NPRL3: variants seen among roughly 807,000 people sequenced by gnomAD.
The protein encoded by NPRL3 is GATOR1 complex protein NPRL3.
A neutral mutation model predicts 57.2 loss-of-function variants in NPRL3; 23 were observed. The observed-to-expected ratio is 0.40, with a 90% CI of 0.29 to 0.57. The LOEUF is 0.57. Among genes scored for constraint, NPRL3 ranks in the 20% least tolerant of loss-of-function variants. The pLI, the probability that NPRL3 is intolerant of heterozygous loss-of-function variation, is 0.42. For synonymous variants in NPRL3, 333 were observed against 321.1 expected (o/e 1.04, Z -0.39); for missense variants, 691 against 767.1 (o/e 0.90, Z 1.17).
chr16:116,821 A>G (rs1339474900), intron 5 of NPRL3, among the ~76,000 whole-genome samples: 1 of 144,726 alleles, frequency 6.9e-6, no homozygotes. Context: ...CTAAAAATAC[A>G]AAAATTAGCT....
rs763058746 is a variant in NPRL3, at chr16:106,629, TAAAAAAAAAAAAAA to T, written c.629+3882_629+3895del. Among the ~76,000 whole-genome samples, 28 of 60,100 alleles carry T rather than the reference TAAAAAAAAAAAAAA, an allele frequency of 4.7e-4. No individual in the cohort carries two copies. The East Asian group carries it at 0.012, about 25-fold the overall frequency. 39.4% of individuals were successfully genotyped at this position (60,100 alleles called of 152,430 possible). The stretch of plus-strand genomic sequence containing the variant: ...AATAGAGTGAGACCCTGCCTTAAAT[TAAAAAAAAAAAAAA>T]AAAAAAAAAAAAAAAGAACCAGGAA... On this transcript the variant is annotated intron_variant, in intron 7 of 13. Transcript: ENST00000611875.
At chr16:105,791 T>C (rs1302182686) in intron 7 of NPRL3, among the ~76,000 whole-genome samples, 2 of 152,162 alleles carry the variant, frequency 1.3e-5, no homozygotes, top group South Asian at 4.1e-4. Flanking sequence ...TGAAGAGACA[T>C]CCCTGCCCTC....
intron 9 of NPRL3, among the ~76,000 whole-genome samples, chr16:97,410 ATTTTTTTT>A (rs34410203): frequency 2.6e-5 from 3 of 115,070 alleles, no homozygotes; most frequent in South Asian, 5.9e-4. Context: ...ACACCCAGCT[ATTTTTTTT>A]TTTTTTTTTT....
chr16:130,185 G>C (rs533589923), intron 3 of NPRL3, among the ~76,000 whole-genome samples: 1 of 152,272 alleles, frequency 6.6e-6, no homozygotes, highest in South Asian at 2.1e-4. Flanking sequence ...ACATGCTCAA[G>C]GAATTAGATC....
At chr16:115,766 G>A (rs1900004900) in intron 5 of NPRL3, among the ~76,000 whole-genome samples, 2 of 152,184 alleles carry the variant, frequency 1.3e-5, no homozygotes, top group African/African-American at 4.8e-5. Context: ...TATTACAGGC[G>A]TAAGCATTTG....
At chr16:100,970 C>CAAAAAAAA (rs59640237) in intron 7 of NPRL3, among the ~76,000 whole-genome samples, 4,646 of 35,976 alleles carry the variant, frequency 0.13, 1,070 homozygotes, top group South Asian at 0.29. Context: ...GACTCTGTCT[C>CAAAAAAAA]AAAAAAAAAA....
chr16:87,101 G>A (rs1036045232), intron 13 of NPRL3, among the ~76,000 whole-genome samples: 61 of 152,240 alleles, frequency 4.0e-4, no homozygotes, highest in Non-Finnish European at 7.3e-4. Flanking sequence ...GGTTCAGGAC[G>A]GCAGACGGCT....
intron 9 of NPRL3, among the ~76,000 whole-genome samples, 189 bp downstream of exon 9, chr16:97,956 C>G (rs1026638607): frequency 6.6e-5 from 10 of 152,210 alleles, no homozygotes. Context: ...ACAAAGCCAG[C>G]CCTGAACCCA....
chr16:90,618 C>T (rs1293534995), intron 11 of NPRL3: 1 of 152,390 alleles, frequency 6.6e-6, no homozygotes, highest in African/African-American at 2.4e-5. Context: ...ACTGCCCAGA[C>T]TCAGGCGTTG....
At chr16:103,296 A>ATTTTTTTTTTTTTTTTTTTTTTTT (rs533871530) in intron 7 of NPRL3, among the ~76,000 whole-genome samples, 6 of 42,124 alleles carry the variant, frequency 1.4e-4, no homozygotes, top group African/African-American at 3.1e-4. Flanking sequence ...GCCTGGGGTG[A>ATTTTTTTTTTTTTTTTTTTTTTTT]TTTTTTTTTT....
At chr16:93,852 C>A (rs1046153989) in intron 9 of NPRL3, among the ~76,000 whole-genome samples, 4 of 152,202 alleles carry the variant, frequency 2.6e-5, no homozygotes, top group African/African-American at 9.6e-5. Context: ...TGAGCCACCG[C>A]ACCCGGCCAC....
intron 3 of NPRL3, among the ~76,000 whole-genome samples, chr16:128,415 G>C (rs1370479290): frequency 6.6e-6 from 1 of 152,308 alleles, no homozygotes; most frequent in East Asian, 1.9e-4. Flanking sequence ...TGTTAATACT[G>C]TTTCAGTCTG....
intron 11 of NPRL3, among the ~76,000 whole-genome samples, chr16:91,499 T>A (rs1898763268): frequency 6.6e-6 from 1 of 152,168 alleles, no homozygotes; most frequent in African/African-American, 2.4e-5. Context: ...GAAAAGCCAC[T>A]CCGTTATCTA....
chr16:113,738 C>T (rs751064885), intron 5 of NPRL3, among the ~76,000 whole-genome samples: 2 of 152,228 alleles, frequency 1.3e-5, no homozygotes. Flanking sequence ...CTGCCTCCCC[C>T]TCCTGTTTAT....
chr16:128,620 T>C (rs958646830), intron 3 of NPRL3, among the ~76,000 whole-genome samples: 1 of 151,774 alleles, frequency 6.6e-6, no homozygotes, highest in Non-Finnish European at 1.5e-5. Flanking sequence ...TAGAAAAAAT[T>C]AGCCGGGCGT....
At chr16:124,226 C>CAGG (rs1380586177) in intron 3 of NPRL3, among the ~76,000 whole-genome samples, 1 of 152,232 alleles carries the variant, frequency 6.6e-6, no homozygotes, top group Non-Finnish European at 1.5e-5. Flanking sequence ...CACAGAAGTA[C>CAGG]AGGCTGGGCA....
intron 12 of NPRL3, 95 bp from the exon 13 acceptor site, chr16:88,985 C>T: frequency 8.9e-7 from 1 of 1,120,698 alleles, no homozygotes; most frequent in Non-Finnish European, 1.3e-6. Context: ...CAATGACACC[C>T]CTAACTCCTA....
In NPRL3 at chr16:98,233, G is replaced by T; in HGVS notation, c.836C>A (p.Ser279Tyr). 6.2e-7 allele frequency: 1 copy of T among 1,613,996 alleles called. No homozygotes were observed. The highest frequency in any genetic ancestry group is 8.5e-7 in the Non-Finnish European group (1 of 1,179,882). Residue 279 changes from serine (S) to tyrosine (Y), a missense_variant, in exon 9 of 14, where the codon TCC (serine) becomes TAC (tyrosine). Ser to Tyr is a moderately radical substitution (Grantham distance 144, BLOSUM62 -2). Transcript: ENST00000611875. ...SLLGELPIDCSPALVRVIKTT... is the reference protein window; with the variant it reads ...SLLGELPIDCYPALVRVIKTT... ...CTTGATCACCCGCACTAGGGCAGGG[G>T]AGCAGTCAATAGGAAGCTCACCCAG...
At chr16:121,697 A>C (rs1203607184) in intron 3 of NPRL3, among the ~76,000 whole-genome samples, 1 of 151,934 alleles carries the variant, frequency 6.6e-6, no homozygotes, top group Non-Finnish European at 1.5e-5. Context: ...GTAGTTAGCC[A>C]TTGTTTATCT....
Sources: allele counts gnomAD v4.1 joint callset (sites outside exome capture counted in the v4.1 genomes callset), GRCh38; gene constraint gnomAD v4.1.1; transcripts MANE v1.5; gene names NCBI Gene and HGNC (gene_info 2026-07-23, HGNC 2026-07-21).